Variants in LRBA observed in about 807,000 individuals in gnomAD.
LRBA encodes lipopolysaccharide-responsive and beige-like anchor protein.
Under a neutral mutation model 330.0 loss-of-function variants are expected in LRBA, and 176 were observed. The observed-to-expected ratio is 0.53, with a 90% confidence interval of 0.47 to 0.60. LRBA has a LOEUF of 0.60. Ranked by LOEUF, LRBA falls within the 20% of genes least tolerant of loss-of-function variation. LRBA has a pLI of 0.00. For missense variants in LRBA, 3,259 were observed against 3,444.8 expected, an observed-to-expected ratio of 0.95 and a Z score of 1.35; for synonymous variants, 1,230 against 1,193.0, an observed-to-expected ratio of 1.03 and a Z score of -0.64.
intron 44 of LRBA, among the ~76,000 whole-genome samples, chr4:150,454,967 AT>A (rs1192099394): frequency 8.1e-6 from 1 of 123,660 alleles, no homozygotes; most frequent in South Asian, 2.9e-4. Context: ...CTCCAGTTTT[AT>A]TTTATTTTTT....
intron 40 of LRBA, among the ~76,000 whole-genome samples, chr4:150,586,350 AT>A (rs1375157857): frequency 6.6e-6 from 1 of 152,158 alleles, no homozygotes; most frequent in African/African-American, 2.4e-5. Context: ...AGAAACAAAA[AT>A]ATCCCCAATT....
intron 36 of LRBA, among the ~76,000 whole-genome samples, chr4:150,702,424 A>G (rs1159555166): frequency 6.6e-6 from 1 of 152,232 alleles, no homozygotes; most frequent in African/African-American, 2.4e-5. Flanking sequence ...TCAATCATCG[A>G]CAAAAGTGAA....
At chr4:150,697,961 CA>C (rs1297364443) in intron 36 of LRBA, among the ~76,000 whole-genome samples, 2 of 152,082 alleles carry the variant, frequency 1.3e-5, no homozygotes, top group Non-Finnish European at 2.9e-5. Flanking sequence ...ATTTAGTCAG[CA>C]GACCATACTT....
chr4:150,623,792 A>C (rs1453033948), intron 37 of LRBA, among the ~76,000 whole-genome samples: 1 of 152,166 alleles, frequency 6.6e-6, no homozygotes, highest in Non-Finnish European at 1.5e-5. Context: ...CTAGATAAGA[A>C]AATTTTATAC....
chr4:150,518,638 A>C (rs1164765205), intron 40 of LRBA, among the ~76,000 whole-genome samples: 3 of 152,176 alleles, frequency 2.0e-5, no homozygotes, highest in Non-Finnish European at 2.9e-5. Context: ...TGTCCTTAAA[A>C]ATAAGAATAC....
intron 17 of LRBA, among the ~76,000 whole-genome samples, chr4:150,876,266 G>C (rs1386940162): frequency 3.9e-5 from 6 of 152,102 alleles, no homozygotes; most frequent in Non-Finnish European, 8.8e-5. Flanking sequence ...GCATTACTGA[G>C]AGAGATGGAT....
At chr4:150,639,805 ATG>A (rs1166703144) in intron 37 of LRBA, among the ~76,000 whole-genome samples, 396 of 8,080 alleles carry the variant, frequency 0.049, 41 homozygotes, top group African/African-American at 0.087. Context: ...ATATATATAT[ATG>A]TGTGTGTGTG....
At chr4:150,319,501 C>A (rs2126917850) in intron 50 of LRBA, among the ~76,000 whole-genome samples, 1 of 152,126 alleles carries the variant, frequency 6.6e-6, no homozygotes, top group South Asian at 2.1e-4. Flanking sequence ...AATCACGTTT[C>A]TTAAATAAAT....
chr4:150,466,174 G>A (rs1054575186), intron 44 of LRBA, among the ~76,000 whole-genome samples: 4 of 152,066 alleles, frequency 2.6e-5, no homozygotes. Flanking sequence ...GTTAACCTTC[G>A]TTTTGACATC....
intron 38 of LRBA, among the ~76,000 whole-genome samples, chr4:150,593,344 A>G (rs1773121469): frequency 6.6e-6 from 1 of 152,200 alleles, no homozygotes; most frequent in Non-Finnish European, 1.5e-5. Context: ...AATACTTTAC[A>G]TAGTTAATTC....
chr4:150,879,932 G>C (rs1728177341), intron 17 of LRBA, among the ~76,000 whole-genome samples: 1 of 152,020 alleles, frequency 6.6e-6, no homozygotes, highest in Non-Finnish European at 1.5e-5. Flanking sequence ...AGCCCAAATA[G>C]GCAAAGCAAT....
intron 40 of LRBA, among the ~76,000 whole-genome samples, chr4:150,493,488 A>T (rs1164816909): frequency 6.6e-6 from 1 of 152,208 alleles, no homozygotes; most frequent in Non-Finnish European, 1.5e-5. Context: ...TCCGCATGAT[A>T]TTTTAACAAA....
intron 33 of LRBA, among the ~76,000 whole-genome samples, chr4:150,805,605 A>AAAGGAAAGGAAAG (rs1560842972): frequency 7.8e-5 from 5 of 64,030 alleles, no homozygotes; most frequent in African/African-American, 3.1e-4. Context: ...GGAAAGGAAA[A>AAAGGAAAGGAAAG]GAAAGGAAAG....
At chr4:150,679,007 T>A (rs540076195) in intron 37 of LRBA, among the ~76,000 whole-genome samples, 4 of 151,988 alleles carry the variant, frequency 2.6e-5, no homozygotes, top group African/African-American at 7.2e-5. Context: ...AAAAAAAAAA[T>A]TAGAGGTAAA....
chr4:150,928,685 G>T (rs1238754179), intron 3 of LRBA, 69 bp from the exon 4 acceptor site: 2 of 1,361,536 alleles, frequency 1.5e-6, no homozygotes, highest in Non-Finnish European at 2.1e-6. Context: ...AATAAACTGT[G>T]CTTATTTAAG....
chr4:150,463,329 T>C (rs1372011100), intron 44 of LRBA, among the ~76,000 whole-genome samples: 2 of 152,018 alleles, frequency 1.3e-5, no homozygotes, highest in Admixed American at 6.6e-5. Flanking sequence ...TGTGTGCCCT[T>C]CAGTTCTTGT....
intron 47 of LRBA, among the ~76,000 whole-genome samples, chr4:150,378,524 T>C (rs1330683805): frequency 2.6e-5 from 4 of 152,214 alleles, no homozygotes; most frequent in Non-Finnish European, 4.4e-5. Flanking sequence ...AGGTCAATTT[T>C]CTTAAAAGGA....
rs545096657 is a variant in LRBA, at chr4:150,657,242, G to A, written c.5921+26309C>T. ...GTTTTTAAAGCAAAGAACATTTTAC[G>A]CTTAAAGTGTATTTTTTAAAAAAAC... On this transcript the variant is annotated intron_variant, in intron 37 of 56. Coordinates refer to ENST00000651943, the MANE Select transcript of LRBA (RefSeq NM_001364905.1). Among the ~76,000 whole-genome samples the A allele has an allele frequency of 5.3e-5, 8 of 152,094 alleles. No homozygotes were observed. In the South Asian group the frequency reaches 1.7e-3, roughly 32 times the overall value.
chr4:150,460,358 G>GAAACAGAAACATATACT (rs1246887916), intron 44 of LRBA, among the ~76,000 whole-genome samples: 1 of 151,802 alleles, frequency 6.6e-6, no homozygotes, highest in Non-Finnish European at 1.5e-5. Flanking sequence ...GAGAGAGCGA[G>GAAACAGAAACATATACT]AAACAGAAAC....
Sources: gnomAD v4.1 joint callset for allele counts (sites outside exome capture counted in the v4.1 genomes callset) on GRCh38, gnomAD v4.1.1 for gene constraint, MANE v1.5 for transcripts, NCBI Gene and HGNC (gene_info 2026-07-23, HGNC 2026-07-21) for gene names.